UBXN2A: variants seen among roughly 807,000 people sequenced by gnomAD.
The protein encoded by UBXN2A is UBX domain-containing protein 2A.
Under a neutral mutation model 28.4 loss-of-function variants are expected in UBXN2A, and 28 were observed. That is an observed-to-expected ratio of 0.99 (90% confidence interval 0.73 to 1.35). The LOEUF (loss-of-function observed/expected upper bound fraction) is 1.35. UBXN2A is among the 40% of genes most tolerant of loss of function. UBXN2A has a pLI of 0.00. For synonymous variants in UBXN2A, 97 were observed against 103.6 expected (o/e 0.94, Z 0.39); for missense variants, 253 against 297.9 (o/e 0.85, Z 1.11).
Position 23,973,820 on chromosome 2 carries a change from C to T in UBXN2A, c.180+2406C>T, listed in dbSNP as rs575960000. ...GCTAATTTTTGCATTTTAGTTGAGA[C>T]GGGGTTTCACCATGTTGGACAGGCT... On this transcript the variant is annotated intron_variant, in intron 3 of 6. Transcript: ENST00000309033. 6.6e-5 allele frequency among the ~76,000 whole-genome samples: 10 copies of T among 151,672 alleles called. No homozygotes were observed. The South Asian group carries it at 1.9e-3, about 28-fold the overall frequency.
intron 1 of UBXN2A, among the ~76,000 whole-genome samples, chr2:23,948,098 G>A (rs1366342116): frequency 6.6e-6 from 1 of 151,902 alleles, no homozygotes; most frequent in African/African-American, 2.4e-5. Context: ...GAGGTGATCC[G>A]CCCGCCTCAG....
chr2:23,940,884 C>CT (rs76843406), intron 1 of UBXN2A, among the ~76,000 whole-genome samples: 111,201 of 151,982 alleles, frequency 0.73, 41,111 homozygotes, highest in East Asian at 0.85. Context: ...GCCCCTGACT[C>CT]GCCTGCGGCT....
intron 2 of UBXN2A, among the ~76,000 whole-genome samples, chr2:23,962,317 C>G (rs1706963527): frequency 6.6e-6 from 1 of 152,062 alleles, no homozygotes; most frequent in Admixed American, 6.6e-5. Flanking sequence ...AGAAAGCAAA[C>G]AAAAGAGGCT....
chr2:23,965,960 T>C (rs1707143308), intron 2 of UBXN2A, among the ~76,000 whole-genome samples: 1 of 152,142 alleles, frequency 6.6e-6, no homozygotes, highest in Non-Finnish European at 1.5e-5. Flanking sequence ...TATAATAAAT[T>C]GGTTCATTTC....
intron 6 of UBXN2A, among the ~76,000 whole-genome samples, chr2:23,988,295 G>A (rs1273696431): frequency 6.6e-6 from 1 of 151,952 alleles, no homozygotes; most frequent in Non-Finnish European, 1.5e-5. Flanking sequence ...ACCTTAATAC[G>A]CTTGTATCGA....
chr2:23,929,115 C>T (rs567647943), intron 1 of UBXN2A, among the ~76,000 whole-genome samples: 26 of 152,224 alleles, frequency 1.7e-4, no homozygotes, highest in African/African-American at 6.3e-4. Flanking sequence ...TAGTGAGATC[C>T]TCTCCCTGCC....
upstream of UBXN2A, chr2:23,927,301 A>C (rs1331312731): frequency 1.3e-5 from 2 of 152,384 alleles, no homozygotes; most frequent in African/African-American, 4.8e-5. Context: ...CCCCGACCGC[A>C]GGGCTGGGGC....
chr2:23,962,511 C>T (rs770713375), intron 2 of UBXN2A, among the ~76,000 whole-genome samples: 15 of 151,958 alleles, frequency 9.9e-5, no homozygotes, highest in Non-Finnish European at 1.6e-4. Context: ...ATAATCATAG[C>T]AACTGTATTA....
intron 4 of UBXN2A, among the ~76,000 whole-genome samples, chr2:23,977,972 C>T (rs749743965): frequency 3.9e-5 from 6 of 152,144 alleles, no homozygotes; most frequent in Middle Eastern, 3.4e-3. Context: ...GCTGAGATTA[C>T]GGGTGTGTGC....
In UBXN2A at chr2:23,984,644, G is replaced by A. The variant is rs374527346; in HGVS notation, c.426-29G>A. ...TAAAGTTTTATTGAATGGAAAAAAC[G>A]TCTAACTTTGTTGTCTGGATTTCCT... is the stretch of plus-strand genomic sequence containing the variant. On this transcript the variant is annotated intron_variant, in intron 5 of 6. Transcript: ENST00000309033. The A allele has an allele frequency of 3.7e-5, 53 of 1,427,752 alleles. No homozygotes were observed. The South Asian group carries it at 4.9e-4, about 13-fold the overall frequency. The allele number at this position is 1,427,752 out of a possible 1,614,324, so 88.4% of individuals were successfully genotyped here. A position where few individuals can be genotyped will look rare whatever the true frequency, so the allele number is the denominator to read the frequency against.
chr2:23,935,856 C>A (rs1705509858), upstream of UBXN2A, among the ~76,000 whole-genome samples: 1 of 152,108 alleles, frequency 6.6e-6, no homozygotes, highest in Non-Finnish European at 1.5e-5. Context: ...TCAAGACCAG[C>A]CTGGTCAACA....
chr2:23,967,228 A>G (rs1232229582), intron 2 of UBXN2A, among the ~76,000 whole-genome samples: 2 of 152,144 alleles, frequency 1.3e-5, no homozygotes, highest in African/African-American at 4.8e-5. Flanking sequence ...ATACTCAATA[A>G]ATATTTGAGT....
intron 2 of UBXN2A, 113 bp from the exon 3 acceptor site, chr2:23,971,163 G>T: frequency 8.3e-7 from 1 of 1,212,066 alleles, no homozygotes. Context: ...GAGAGGGCCT[G>T]AACTACAGAC....
intron 1 of UBXN2A, chr2:23,927,750 G>A (rs1298108293): frequency 6.6e-6 from 1 of 151,846 alleles, no homozygotes; most frequent in Non-Finnish European, 1.5e-5. Context: ...CCCTGTAAGA[G>A]CCGCCTCTAT....
At chr2:23,990,729 A>G (rs1441147729) in intron 6 of UBXN2A, among the ~76,000 whole-genome samples, 1 of 151,164 alleles carries the variant, frequency 6.6e-6, no homozygotes, top group Non-Finnish European at 1.5e-5. Flanking sequence ...AGCTGAAATC[A>G]CACCACTGCA....
At chr2:23,989,264 G>A (rs1708249166) in intron 6 of UBXN2A, among the ~76,000 whole-genome samples, 1 of 149,956 alleles carries the variant, frequency 6.7e-6, no homozygotes, top group Non-Finnish European at 1.5e-5. Flanking sequence ...GTGTGTGTGT[G>A]TATGTATATA....
Position 23,940,591 on chromosome 2 carries a change from A to G in UBXN2A, c.-72A>G, listed in dbSNP as rs938403272. 6.6e-6 allele frequency: 1 copy of G among 151,206 alleles called. No individual in the cohort carries two copies. Among genetic ancestry groups the G allele is most frequent in the Non-Finnish European group, 1.5e-5 (1 of 67,734 alleles). The allele number at this position is 151,206 out of a possible 1,614,324, so 9.4% of individuals were successfully genotyped here. A position where few individuals can be genotyped will look rare whatever the true frequency, so the allele number is the denominator to read the frequency against. ...TCCAGCCAAACGGAGCCCGCGGCCA[A>G]ACGGTGCCTGCGGTGCCTGAGCTGA... On this transcript the variant is annotated 5_prime_UTR_variant, in exon 1 of 7. Coordinates refer to ENST00000309033, the MANE Select transcript of UBXN2A (RefSeq NM_181713.4).
At chr2:23,942,986 C>T (rs111643448) in intron 1 of UBXN2A, among the ~76,000 whole-genome samples, 23 of 147,910 alleles carry the variant, frequency 1.6e-4, no homozygotes, top group Admixed American at 7.4e-4. Context: ...TTTTTTGAGA[C>T]GGAGTCTCGC....
intron 1 of UBXN2A, chr2:23,943,891 G>T (rs531862524): frequency 5.0e-6 from 2 of 401,708 alleles, no homozygotes; most frequent in South Asian, 4.3e-5. Flanking sequence ...CATTGCCTCC[G>T]AGCGCACTTT....
Sources: gnomAD v4.1 joint callset for allele counts (sites outside exome capture counted in the v4.1 genomes callset) on GRCh38, gnomAD v4.1.1 for gene constraint, MANE v1.5 for transcripts, NCBI Gene and HGNC (gene_info 2026-07-23, HGNC 2026-07-21) for gene names.